The following NIPA2 variants were observed in gnomAD, a reference collection of about 807,000 sequenced individuals.
NIPA2 encodes the protein magnesium transporter NIPA2.
NIPA2 carries 11 observed loss-of-function variants against 29.7 expected under a neutral mutation model. The observed-to-expected ratio is 0.37, with a 90% CI of 0.23 to 0.61. The LOEUF is 0.61. Among genes scored for constraint, NIPA2 ranks in the 20% least tolerant of loss-of-function variants. The pLI, the probability that NIPA2 is intolerant of heterozygous loss-of-function variation, is 0.66. For synonymous variants in NIPA2, 183 were observed against 161.9 expected (o/e 1.13, Z -0.99); for missense variants, 426 against 437.9 (o/e 0.97, Z 0.24).
intron 6 of NIPA2, among the ~76,000 whole-genome samples, chr15:22,859,324 GCTCTGTCGCCCA>G (rs2058449948): frequency 9.0e-6 from 1 of 111,216 alleles, no homozygotes; most frequent in Non-Finnish European, 1.7e-5. Context: ...GCGGAGTCTT[GCTCTGTCGCCCA>G]CGCTGGAGTG....
intron 4 of NIPA2, 98 bp from the exon 5 acceptor site, chr15:22,853,114 G>A (rs913893620): frequency 2.5e-6 from 2 of 787,152 alleles, no homozygotes; most frequent in Middle Eastern, 2.3e-4. Flanking sequence ...ATTTAAAGGA[G>A]TAACTGAGAT....
intron 5 of NIPA2, among the ~76,000 whole-genome samples, chr15:22,855,032 G>T (rs1415782323): frequency 4.6e-5 from 7 of 152,164 alleles, no homozygotes; most frequent in Non-Finnish European, 7.4e-5. Context: ...TTAAAAAGAG[G>T]TATGTATTTG....
intron 5 of NIPA2, among the ~76,000 whole-genome samples, chr15:22,858,259 T>A (rs1249300175): frequency 6.6e-6 from 1 of 152,100 alleles, no homozygotes; most frequent in Non-Finnish European, 1.5e-5. Flanking sequence ...CTGGGCATAG[T>A]GGCGAGTGCC....
intron 7 of NIPA2, among the ~76,000 whole-genome samples, chr15:22,865,028 A>G (rs978070295): frequency 1.3e-5 from 2 of 151,646 alleles, no homozygotes; most frequent in Non-Finnish European, 2.9e-5. Flanking sequence ...CGCCTGGCTA[A>G]TTTTTGTATT....
chr15:22,867,377 C>A lies in NIPA2; in HGVS notation c.*530C>A. On this transcript the variant is annotated 3_prime_UTR_variant, in exon 8 of 8. Transcript: ENST00000337451. ...ACTAAGTTACTGAATGAAGGAACCT[C>A]TTTCTTACAAAACAAAAAAAAGGGC... The A allele has an allele frequency of 2.6e-6, 1 of 391,260 alleles. No individual in the cohort carries two copies. Among genetic ancestry groups the A allele is most frequent in the Non-Finnish European group, 4.5e-6 (1 of 222,168 alleles). The allele number at this position is 391,260 out of a possible 1,614,324, so 24.2% of individuals were successfully genotyped here.
At chr15:22,862,366 C>CT (rs1460366131) in intron 7 of NIPA2, among the ~76,000 whole-genome samples, 2 of 152,042 alleles carry the variant, frequency 1.3e-5, no homozygotes, top group Non-Finnish European at 2.9e-5. Flanking sequence ...AAATTTATGT[C>CT]TGACTCTTGG....
At chr15:22,855,052 AC>A (rs2058078404) in intron 5 of NIPA2, among the ~76,000 whole-genome samples, 1 of 152,138 alleles carries the variant, frequency 6.6e-6, no homozygotes, top group African/African-American at 2.4e-5. Context: ...GATAAGACTT[AC>A]CAAATAAAAA....
chr15:22,863,109 C>CT (rs1170336966), intron 7 of NIPA2, among the ~76,000 whole-genome samples: 1 of 148,222 alleles, frequency 6.7e-6, no homozygotes, highest in Non-Finnish European at 1.5e-5. Context: ...GAGATGGAGT[C>CT]TCGCCGTCAC....
chr15:22,858,538 A>G lies in NIPA2; in HGVS notation c.197-2A>G. 6.2e-7 allele frequency: 1 copy of G among 1,601,854 alleles called. No individual in the cohort carries two copies. The highest frequency in any genetic ancestry group is 8.5e-7 in the Non-Finnish European group (1 of 1,172,452). ...GTTTTTCTTTTGTTGTCTGTCTCTA[A>G]GTGGGAGCTGGTGAGGTGGCCAACT... is the stretch of plus-strand genomic sequence containing the variant. On this transcript the variant is annotated splice_acceptor_variant, in intron 5 of 7. Coordinates refer to ENST00000337451, the MANE Select transcript of NIPA2 (RefSeq NM_030922.7). LOFTEE classifies it high-confidence loss of function.
chr15:22,866,924 A>G lies in NIPA2; in HGVS notation c.*77A>G. 7.5e-7 allele frequency: 1 copy of G among 1,330,334 alleles called. No homozygotes were observed. Among genetic ancestry groups the G allele is most frequent in the South Asian group, 1.5e-5 (1 of 68,400 alleles). 82.4% of individuals were successfully genotyped at this position (1,330,334 alleles called of 1,614,324 possible). A position where few individuals can be genotyped will look rare whatever the true frequency, so the allele number is the denominator to read the frequency against. Reference sequence around the variant, plus strand: ...ATCATCAGAATGTGTCTGAAAAAACATTGTCCTCAAATAATGTTCTTTAAA... The same window carrying G: ...ATCATCAGAATGTGTCTGAAAAAACGTTGTCCTCAAATAATGTTCTTTAAA... On this transcript the variant is annotated 3_prime_UTR_variant, in exon 8 of 8. Coordinates refer to ENST00000337451, the MANE Select transcript of NIPA2 (RefSeq NM_030922.7).
At chr15:22,852,704 T>C (rs913873088) in intron 4 of NIPA2, among the ~76,000 whole-genome samples, 10 of 152,184 alleles carry the variant, frequency 6.6e-5, no homozygotes, top group Admixed American at 6.5e-4. Flanking sequence ...GGCCCTGCCC[T>C]GACTCCTCTA....
chr15:22,841,201 C>G (rs1344016062), intron 2 of NIPA2, among the ~76,000 whole-genome samples: 1 of 152,128 alleles, frequency 6.6e-6, no homozygotes, highest in East Asian at 1.9e-4. Context: ...TTGATTTGCT[C>G]TACTGTGGTA....
At chr15:22,864,328 G>A (rs2058824088) in intron 7 of NIPA2, among the ~76,000 whole-genome samples, 1 of 152,132 alleles carries the variant, frequency 6.6e-6, no homozygotes, top group South Asian at 2.1e-4. Flanking sequence ...CTAATTTTTT[G>A]TATTTTTAGT....
rs188827587 is a variant in NIPA2 at position 22,864,996 on chromosome 15, G to C, written c.449-1217G>C. On this transcript the variant is annotated intron_variant, in intron 7 of 7. Transcript: ENST00000337451. ...CCTGTTTCAGCCTCCCAAGTAGCTG[G>C]CATTACAGGTGTCTGCCACCACGCC... is the stretch of plus-strand genomic sequence containing the variant. Among the ~76,000 whole-genome samples, 182 of 151,998 alleles carry C rather than the reference G, an allele frequency of 1.2e-3. 1 individual carries two copies. The highest frequency in any genetic ancestry group is 1.6e-3 in the Non-Finnish European group (112 of 67,952).
chr15:22,857,506 C>G (rs903511853), intron 5 of NIPA2, among the ~76,000 whole-genome samples: 4 of 150,800 alleles, frequency 2.7e-5, no homozygotes, highest in Non-Finnish European at 4.4e-5. Context: ...TATCCTGATT[C>G]TAGAACAGGA....
intron 3 of NIPA2, among the ~76,000 whole-genome samples, chr15:22,847,106 A>T (rs143320399): frequency 6.6e-6 from 1 of 151,486 alleles, no homozygotes. Flanking sequence ...GGGTTTCTCC[A>T]TGTTGGTCAG....
At chr15:22,853,817 A>G (rs1472827542) in intron 5 of NIPA2, among the ~76,000 whole-genome samples, 9 of 152,162 alleles carry the variant, frequency 5.9e-5, no homozygotes, top group Admixed American at 5.9e-4. Flanking sequence ...TTGCAGGACA[A>G]ACAATCCAGT....
At chr15:22,864,855 G>A (rs199747924) in intron 7 of NIPA2, among the ~76,000 whole-genome samples, 2 of 105,894 alleles carry the variant, frequency 1.9e-5, no homozygotes, top group Non-Finnish European at 3.7e-5. Flanking sequence ...ACGAAGGATT[G>A]TTATCTTCGG....
chr15:22,844,709 G>A (rs945352131), intron 2 of NIPA2, among the ~76,000 whole-genome samples: 4 of 152,148 alleles, frequency 2.6e-5, no homozygotes, highest in South Asian at 2.1e-4. Flanking sequence ...AGCGATGATC[G>A]CGCCACTGCA....
Sources: allele counts gnomAD v4.1 joint callset (sites outside exome capture counted in the v4.1 genomes callset), GRCh38; gene constraint gnomAD v4.1.1; transcripts MANE v1.5; gene names NCBI Gene and HGNC (gene_info 2026-07-23, HGNC 2026-07-21).